Variants in C12orf54 observed in about 807,000 individuals in gnomAD.
C12orf54 encodes chromosome 12 open reading frame 54.
A neutral mutation model predicts 26.4 loss-of-function variants in C12orf54; 24 were observed. That is an observed-to-expected ratio of 0.91 (90% confidence interval 0.66 to 1.28). The LOEUF (loss-of-function observed/expected upper bound fraction) is 1.28. Ranked by LOEUF, C12orf54 falls within the 50% of genes most tolerant of loss-of-function variation. The pLI is 0.00. For missense variants in C12orf54, 154 were observed against 150.9 expected (o/e 1.02, Z -0.11); for synonymous variants, 54 against 47.0 (o/e 1.15, Z -0.61).
chr12:48,479,477 C>T (rs892098866), upstream of C12orf54, among the ~76,000 whole-genome samples: 3 of 151,818 alleles, frequency 2.0e-5, no homozygotes, highest in Admixed American at 6.6e-5. Flanking sequence ...CAAACCTGCA[C>T]GTTGTGCACA....
intron 7 of C12orf54, among the ~76,000 whole-genome samples, chr12:48,493,755 T>G (rs1246605899): frequency 8.7e-6 from 1 of 114,816 alleles, no homozygotes; most frequent in Non-Finnish European, 2.0e-5. Flanking sequence ...TGTCACTTTC[T>G]CTTCCATAAC....
At chr12:48,441,505 C>T in the C12orf54 span, among the ~76,000 whole-genome samples, 1 of 151,828 alleles carries the variant, frequency 6.6e-6, no homozygotes, top group Non-Finnish European at 1.5e-5. Context: ...TGACATTGAC[C>T]ATGTGCCCAT....
At chr12:48,472,776 A>G in the C12orf54 span, 355 of 1,614,118 alleles carry the variant, frequency 2.2e-4, no homozygotes, top group Non-Finnish European at 2.9e-4. Context: ...GGAAGGCCTC[A>G]CAGATGAATT....
the C12orf54 span, among the ~76,000 whole-genome samples, chr12:48,471,305 C>A: frequency 2.0e-5 from 3 of 152,120 alleles, no homozygotes. Context: ...ACGAGTACTC[C>A]ATTGTGTATA....
the C12orf54 span, among the ~76,000 whole-genome samples, chr12:48,418,782 C>A: frequency 1.1e-4 from 16 of 152,030 alleles, no homozygotes; most frequent in African/African-American, 3.9e-4. Flanking sequence ...AGTTCTTCCT[C>A]TTTTAGAAAA....
chr12:48,485,565 C>T (rs1004568092), intron 2 of C12orf54, among the ~76,000 whole-genome samples: 2 of 152,204 alleles, frequency 1.3e-5, no homozygotes, highest in Admixed American at 6.5e-5. Flanking sequence ...ATTTCACTCA[C>T]TTTCACCCTT....
the C12orf54 span, chr12:48,473,506 A>G: frequency 2.6e-6 from 1 of 390,816 alleles, no homozygotes; most frequent in Admixed American, 3.6e-5. Context: ...CCTGAAACTT[A>G]TTTTTTTCTG....
chr12:48,440,414 A>G, the C12orf54 span, among the ~76,000 whole-genome samples: 454 of 152,346 alleles, frequency 3.0e-3, 2 homozygotes, highest in Middle Eastern at 0.031. Flanking sequence ...TTTAGTCCAC[A>G]TGCCTCCCTC....
At chr12:48,491,572 T>C (rs765858756) in intron 6 of C12orf54, among the ~76,000 whole-genome samples, 27 of 152,238 alleles carry the variant, frequency 1.8e-4, no homozygotes, top group South Asian at 8.3e-4. Context: ...TTCTTGTCTG[T>C]AAAGACAGCA....
Position 48,486,724 on chromosome 12 carries a change from C to A in C12orf54, c.133C>A (p.Gln45Lys). 1.9e-6 allele frequency: 3 copies of A among 1,612,682 alleles called. No individual in the cohort carries two copies. The highest frequency in any genetic ancestry group is 1.7e-6 in the Non-Finnish European group (2 of 1,178,728). Residue 45 changes from glutamine to lysine, a missense_variant and splice_region_variant, in exon 4 of 9, where the codon CAG (glutamine) becomes AAG (lysine). Gln to Lys is a moderately conservative substitution (Grantham distance 53). Coordinates refer to ENST00000548364, the MANE Select transcript of C12orf54 (RefSeq NM_152319.4). ...QVTITETLWD[Q>K]VLTVFKDIQK... ...AACCATCACTGAAACCCTGTGGGAC[C>A]AGGTGAGTACAGAGGAATCATTTTT...
At chr12:48,469,914 G>A in the C12orf54 span, among the ~76,000 whole-genome samples, 4 of 152,004 alleles carry the variant, frequency 2.6e-5, no homozygotes, top group African/African-American at 7.2e-5. Context: ...AATGCCCAAA[G>A]TTTCACTCCC....
chr12:48,467,128 T>C, the C12orf54 span, among the ~76,000 whole-genome samples: 1 of 152,056 alleles, frequency 6.6e-6, no homozygotes, highest in African/African-American at 2.4e-5. Flanking sequence ...CTAAGTCTAA[T>C]GACAAGAGTC....
chr12:48,446,836 A>G, the C12orf54 span, among the ~76,000 whole-genome samples: 5 of 152,260 alleles, frequency 3.3e-5, no homozygotes, highest in African/African-American at 1.2e-4. Context: ...TTCTGCGTCT[A>G]GAACTGAAAA....
At chr12:48,457,349 T>G in the C12orf54 span, among the ~76,000 whole-genome samples, 1 of 152,076 alleles carries the variant, frequency 6.6e-6, no homozygotes. Context: ...TTGTTTGTTT[T>G]TTGAGATGGA....
chr12:48,448,140 T>G, the C12orf54 span, among the ~76,000 whole-genome samples: 1 of 152,182 alleles, frequency 6.6e-6, no homozygotes, highest in African/African-American at 2.4e-5. Flanking sequence ...ACACCTTTGT[T>G]TAGGCTTGGT....
At chr12:48,428,183 G>T in the C12orf54 span, among the ~76,000 whole-genome samples, 1 of 151,922 alleles carries the variant, frequency 6.6e-6, no homozygotes, top group African/African-American at 2.4e-5. Flanking sequence ...GTCCTAAGAG[G>T]AAAGTTCATA....
At chr12:48,451,432 A>G in the C12orf54 span, among the ~76,000 whole-genome samples, 122 of 152,324 alleles carry the variant, frequency 8.0e-4, 2 homozygotes, top group African/African-American at 2.7e-3. Context: ...AAACCAGCAC[A>G]AGACAAAATT....
chr12:48,490,199 T>C (rs745316859), intron 5 of C12orf54, among the ~76,000 whole-genome samples: 15 of 152,216 alleles, frequency 9.9e-5, no homozygotes, highest in Non-Finnish European at 1.9e-4. Context: ...AAGTGATGAA[T>C]TGTGTGTCTC....
chr12:48,420,789 G>A, the C12orf54 span, among the ~76,000 whole-genome samples: 1 of 152,168 alleles, frequency 6.6e-6, no homozygotes, highest in African/African-American at 2.4e-5. Flanking sequence ...TTTGGTTTCA[G>A]AAGAGTTGAG....
Sources: allele counts gnomAD v4.1 joint callset (sites outside exome capture counted in the v4.1 genomes callset), GRCh38; gene constraint gnomAD v4.1.1; transcripts MANE v1.5; gene names NCBI Gene and HGNC (gene_info 2026-07-23, HGNC 2026-07-21).